The following LRRK2 variants were observed in gnomAD, a reference collection of about 807,000 sequenced individuals.
The protein encoded by LRRK2 is leucine rich repeat kinase 2.
Under a neutral mutation model 302.6 loss-of-function variants are expected in LRRK2, and 203 were observed. The ratio of observed to expected loss-of-function variants is 0.67; its 90% CI spans 0.60 to 0.75. The LOEUF is 0.75. Among genes scored for constraint, LRRK2 ranks in the 30% least tolerant of loss-of-function variants. The pLI, the probability that LRRK2 is intolerant of heterozygous loss-of-function variation, is 0.00. For synonymous variants in LRRK2, 1,066 were observed against 1,031.9 expected (o/e 1.03, Z -0.63); for missense variants, 2,830 against 2,951.0 (o/e 0.96, Z 0.95).
At position 40,298,426 on chromosome 12, in the gene LRRK2, C is replaced by G; in HGVS notation, c.3280C>G (p.Gln1094Glu). The G allele has an allele frequency of 6.2e-7, 1 of 1,613,890 alleles. No individual in the cohort carries two copies. Among genetic ancestry groups the G allele is most frequent in the Non-Finnish European group, 8.5e-7 (1 of 1,179,926 alleles). The change falls in exon 24 of 51, where the codon CAG becomes GAG. Residue 1094 changes from glutamine to glutamate, a missense_variant. Around this residue, in one of 3 missense-constraint regions of LRRK2, gnomAD observed 2,121 missense variants for 2,148.0 expected, o/e 0.99. Coordinates refer to ENST00000298910, the MANE Select transcript of LRRK2 (RefSeq NM_198578.4). ...GAAACAGTTTAACCTGTCATATAAC[C>G]AGCTGTCTTTTGTACCTGAGAACCT... ...TLKQFNLSYN[Q>E]LSFVPENLTD...
intron 44 of LRRK2, among the ~76,000 whole-genome samples, chr12:40,353,342 A>T (rs1337695265): frequency 1.4e-5 from 2 of 148,036 alleles, no homozygotes; most frequent in African/African-American, 2.5e-5. Context: ...CACCTCCCAG[A>T]CAGGGTTGCG....
intron 33 of LRRK2, chr12:40,316,484 A>T (rs1945226678): frequency 3.2e-6 from 1 of 312,544 alleles, no homozygotes. Flanking sequence ...TTAAATGATA[A>T]TGGAGACAGT....
chr12:40,299,117 T>C lies in LRRK2; in HGVS notation c.3356T>C (p.Ile1119Thr). ...TTGTCTCTTGTGACTAGAAATAAAATATCAGGGATATGCTCCCCCTTGAGA... is the reference window on the plus strand; with the variant it reads ...TTGTCTCTTGTGACTAGAAATAAAACATCAGGGATATGCTCCCCCTTGAGA... The part of the protein sequence containing the change: ...LEQLILEGNK[I>T]SGICSPLRLK... The change falls in exon 25 of 51, where the codon ATA (isoleucine) becomes ACA (threonine). Residue 1119 changes from isoleucine (I) to threonine (T), a missense_variant. Physicochemically the swap from Ile to Thr is moderately conservative, Grantham distance 89. Around this residue, in one of 3 missense-constraint regions of LRRK2, gnomAD observed 2,121 missense variants for 2,148.0 expected, o/e 0.99. Coordinates refer to ENST00000298910, the MANE Select transcript of LRRK2 (RefSeq NM_198578.4). 6.2e-7 allele frequency: 1 copy of C among 1,612,794 alleles called. No homozygotes were observed. The highest frequency in any genetic ancestry group is 8.5e-7 in the Non-Finnish European group (1 of 1,179,424).
At chr12:40,330,228 C>T (rs11176053) in intron 39 of LRRK2, among the ~76,000 whole-genome samples, 44,723 of 152,006 alleles carry the variant, frequency 0.29, 7,264 homozygotes, top group African/African-American at 0.4. Context: ...TAAATGTTTT[C>T]AGTCCTTACA....
chr12:40,232,219 T>C (rs1941234871), intron 2 of LRRK2, 55 bp from the exon 3 acceptor site: 1 of 1,208,880 alleles, frequency 8.3e-7, no homozygotes, highest in African/African-American at 1.5e-5. Context: ...TTTGACTGAG[T>C]ATGCTCTATT....
At chr12:40,305,089 GT>G (rs1944769469) in intron 27 of LRRK2, 1 of 151,828 alleles carries the variant, frequency 6.6e-6, no homozygotes, top group South Asian at 2.1e-4. Flanking sequence ...AACCTTTTTT[GT>G]TTTGCTCCAT....
chr12:40,286,839 T>G (rs1277072551), intron 19 of LRRK2, among the ~76,000 whole-genome samples: 1 of 152,078 alleles, frequency 6.6e-6, no homozygotes, highest in Non-Finnish European at 1.5e-5. Flanking sequence ...GGTTTCCCAA[T>G]AGTCATAATG....
rs538494701 is a variant in LRRK2, at chr12:40,225,037, C to T, written c.-95C>T. On this transcript the variant is annotated 5_prime_UTR_variant, in exon 1 of 51. Coordinates refer to ENST00000298910, the MANE Select transcript of LRRK2 (RefSeq NM_198578.4). ...CGCTGGCTGCGGGCGGTGAGCTGAG[C>T]TCGCCCCCGGGGAGCTGTGGCCGGC... 153 of 1,530,892 alleles carry T rather than the reference C, an allele frequency of 1.0e-4. No individual in the cohort carries two copies. In the South Asian group the frequency reaches 1.5e-3, roughly 15 times the overall value. 94.8% of individuals were successfully genotyped at this position (1,530,892 alleles called of 1,614,324 possible).
At chr12:40,317,251 AT>A (rs1285578714) in intron 33 of LRRK2, among the ~76,000 whole-genome samples, 1 of 152,080 alleles carries the variant, frequency 6.6e-6, no homozygotes, top group Non-Finnish European at 1.5e-5. Flanking sequence ...TGTCAATAAA[AT>A]GATAATTTAA....
At chr12:40,308,328 T>C in intron 28 of LRRK2, 139 bp from the exon 29 acceptor site, 1 of 646,852 alleles carries the variant, frequency 1.5e-6, no homozygotes, top group Non-Finnish European at 2.6e-6. Flanking sequence ...CTGAAAGACA[T>C]GTACATTATT....
At chr12:40,276,326 C>T (rs1373393179) in intron 16 of LRRK2, among the ~76,000 whole-genome samples, 1 of 152,160 alleles carries the variant, frequency 6.6e-6, no homozygotes, top group Non-Finnish European at 1.5e-5. Context: ...GACAGAGTCT[C>T]ACTCTGTTGC....
chr12:40,291,250 A>G (rs944012792), intron 20 of LRRK2, among the ~76,000 whole-genome samples: 71 of 150,910 alleles, frequency 4.7e-4, no homozygotes, highest in Admixed American at 2.4e-3. Context: ...GGACACAGGA[A>G]GGGGAACATC....
At chr12:40,232,031 C>T (rs557457738) in intron 2 of LRRK2, among the ~76,000 whole-genome samples, 46 of 151,722 alleles carry the variant, frequency 3.0e-4, no homozygotes, top group African/African-American at 8.7e-4. Flanking sequence ...CTCAAACTGC[C>T]GGCTGAAATG....
In LRRK2 at chr12:40,298,297, C is replaced by T. The variant is rs998955770; in HGVS notation, c.3151C>T (p.Pro1051Ser). The change falls in exon 24 of 51, where the codon CCT becomes TCT. Residue 1051 changes from proline to serine, a missense_variant. Coordinates refer to ENST00000298910, the MANE Select transcript of LRRK2 (RefSeq NM_198578.4). ...DLHSNKFTSF[P>S]SYLLKMSCIA... ...GCACAGTAATAAATTTACATCATTT[C>T]CTTCTTATTTGTTGAAAATGAGTTG... 7 of 1,613,230 alleles carry T rather than the reference C, an allele frequency of 4.3e-6. No homozygotes were observed. The African/African-American group carries it at 8.0e-5, about 18-fold the overall frequency.
Position 40,307,988 on chromosome 12 carries a change from G to T in LRRK2, c.3960-479G>T, listed in dbSNP as rs565122247. 1.3e-4 allele frequency among the ~76,000 whole-genome samples: 20 copies of T among 151,766 alleles called. No homozygotes were observed. The South Asian group carries it at 4.2e-3, about 32-fold the overall frequency. ...ATAGAGACGGGGTTTCACTATATTGGCCAGGCTGGTCTCAAACTCCTGACC... is the reference window on the plus strand; with the variant it reads ...ATAGAGACGGGGTTTCACTATATTGTCCAGGCTGGTCTCAAACTCCTGACC... On this transcript the variant is annotated intron_variant, in intron 28 of 50. Transcript: ENST00000298910.
At chr12:40,269,759 G>A (rs1483384943) in intron 14 of LRRK2, among the ~76,000 whole-genome samples, 3 of 152,068 alleles carry the variant, frequency 2.0e-5, no homozygotes, top group Non-Finnish European at 2.9e-5. Flanking sequence ...CTATGTGTAC[G>A]AATGTATTTC....
At position 40,323,220 on chromosome 12, in the gene LRRK2, CT is replaced by C. The variant is rs866401974; in HGVS notation, c.5571del (p.Asp1858ThrfsTer2). ...RLTIPISQIA[P>X]DLILADLPRN... The stretch of plus-strand genomic sequence containing the variant: ...ACCATTCCAATATCTCAGATTGCCC[CT>C]GACTTGATTTTGGCTGACCTGCCTA... On this transcript the variant is annotated frameshift_variant, in exon 38 of 51. Transcript: ENST00000298910. LOFTEE classifies it high-confidence loss of function. 4.3e-6 allele frequency: 7 copies of C among 1,613,132 alleles called. No homozygotes were observed. The highest frequency in any genetic ancestry group is 1.3e-5 in the African/African-American group (1 of 74,866).
chr12:40,278,241 G>A lies in LRRK2; in HGVS notation c.2221G>A (p.Gly741Arg), dbSNP rs773128974. 1 of 1,613,874 alleles carries A rather than the reference G, an allele frequency of 6.2e-7. No homozygotes were observed. Among genetic ancestry groups the A allele is most frequent in the African/African-American group, 1.3e-5 (1 of 74,882 alleles). ...AGCAGATGCCAATCAAGCAAAGGAGGGATCTTCTTTAATTTGTCAGGTAAA... is the reference window on the plus strand; with the variant it reads ...AGCAGATGCCAATCAAGCAAAGGAGAGATCTTCTTTAATTTGTCAGGTAAA... ...LGADANQAKE[G>R]SSLICQVCEK... Residue 741 changes from glycine to arginine, a missense_variant, in exon 18 of 51, where the codon GGA (glycine) becomes AGA (arginine). Transcript: ENST00000298910.
At position 40,305,780 on chromosome 12, in the gene LRRK2, T is replaced by C; in HGVS notation, c.3778-5T>C. ...ACAGGTTTTGCCCTTTTTTTTCCCA[T>C]TAAGATTCCTCCTGAGATTGGCTGT... On this transcript the variant is annotated splice_polypyrimidine_tract_variant and splice_region_variant and intron_variant, in intron 27 of 50. Transcript: ENST00000298910. 1 of 1,613,322 alleles carries C rather than the reference T, an allele frequency of 6.2e-7. No homozygotes were observed.
Sources: allele counts gnomAD v4.1 joint callset (sites outside exome capture counted in the v4.1 genomes callset), GRCh38; gene constraint gnomAD v4.1.1; regional missense constraint gnomAD v4.1.1; transcripts MANE v1.5; gene names NCBI Gene and HGNC (gene_info 2026-07-23, HGNC 2026-07-21).